The following RNF216 variants were observed in gnomAD, a reference collection of about 807,000 sequenced individuals.
RNF216 encodes ring finger protein 216.
A neutral mutation model predicts 110.8 loss-of-function variants in RNF216; 72 were observed. The observed-to-expected ratio is 0.65, with a 90% CI of 0.54 to 0.79. RNF216 has a LOEUF of 0.79. RNF216 is among the 30% of genes least tolerant of loss of function. The probability of loss-of-function intolerance (pLI) is 0.00; values close to 1 mark genes in which losing one functional copy is unlikely to be tolerated. For synonymous variants in RNF216, 495 were observed against 407.5 expected (o/e 1.21, Z -2.59); for missense variants, 1,342 against 1,141.2 (o/e 1.18, Z -2.54).
intron 4 of RNF216, among the ~76,000 whole-genome samples, chr7:5,740,426 CT>C (rs2128652723): frequency 6.6e-6 from 1 of 152,202 alleles, no homozygotes; most frequent in South Asian, 2.1e-4. Context: ...ACGCCCAGCC[CT>C]TGTGTTACTC....
chr7:5,760,114 G>C (rs6960381), intron 2 of RNF216, among the ~76,000 whole-genome samples: 124,860 of 152,212 alleles, frequency 0.82, 52,989 homozygotes, highest in Non-Finnish European at 0.91. Context: ...TAGCCCAAGT[G>C]TAAATGTGAA....
At chr7:5,755,244 AAG>A (rs1178963614) in intron 2 of RNF216, among the ~76,000 whole-genome samples, 91 of 1,572 alleles carry the variant, frequency 0.058, no homozygotes, top group African/African-American at 0.13. Flanking sequence ...GGATGAAAGG[AAG>A]GAAGGAAGGA....
chr7:5,698,384 T>TACACACACACACACACACACACAC (rs376096873), intron 13 of RNF216, among the ~76,000 whole-genome samples: 1 of 145,300 alleles, frequency 6.9e-6, no homozygotes, highest in African/African-American at 2.6e-5. Flanking sequence ...GATTCTTTTA[T>TACACACACACACACACACACACAC]ACACACACAC....
intron 5 of RNF216, among the ~76,000 whole-genome samples, chr7:5,733,876 T>C (rs571429463): frequency 2.6e-5 from 4 of 152,314 alleles, no homozygotes; most frequent in East Asian, 3.9e-4. Context: ...CACATATAAG[T>C]TGCTTTTTAG....
chr7:5,652,374 G>A lies in RNF216; in HGVS notation c.2159+39C>T, dbSNP rs769725260. The A allele has an allele frequency of 6.3e-6, 9 of 1,436,884 alleles. No individual in the cohort carries two copies. In the Admixed American group the frequency reaches 1.5e-4, roughly 24 times the overall value. The allele number at this position is 1,436,884 out of a possible 1,614,324, so 89.0% of individuals were successfully genotyped here. A position where few individuals can be genotyped will look rare whatever the true frequency, so the allele number is the denominator to read the frequency against. ...CAAAAAGCAGGTTAATGGGGAAGTT[G>A]AGAATCAGCCCATAGCCCCTCTGAA... On this transcript the variant is annotated intron_variant, in intron 14 of 16. Coordinates refer to ENST00000389902, the MANE Select transcript of RNF216 (RefSeq NM_207111.4).
chr7:5,763,660 C>T (rs924560618), intron 1 of RNF216, among the ~76,000 whole-genome samples: 8 of 151,998 alleles, frequency 5.3e-5, no homozygotes, highest in Non-Finnish European at 1.2e-4. Context: ...AGCCTTGAAC[C>T]CCTGGGCTCA....
intron 5 of RNF216, among the ~76,000 whole-genome samples, 168 bp from the exon 6 acceptor site, chr7:5,730,985 C>A (rs1219715385): frequency 6.6e-6 from 1 of 152,180 alleles, no homozygotes; most frequent in Non-Finnish European, 1.5e-5. Context: ...AAACAAACAA[C>A]TGCACTGAAT....
At chr7:5,736,094 AAAAT>A (rs1361477306) in intron 5 of RNF216, among the ~76,000 whole-genome samples, 1 of 140,100 alleles carries the variant, frequency 7.1e-6, no homozygotes, top group Non-Finnish European at 1.6e-5. Context: ...CTCCGTCTCA[AAAAT>A]AAATAAATAG....
intron 1 of RNF216, among the ~76,000 whole-genome samples, chr7:5,773,117 G>C (rs17186478): frequency 6.6e-6 from 1 of 152,044 alleles, no homozygotes; most frequent in Non-Finnish European, 1.5e-5. Flanking sequence ...ATATATCAGC[G>C]TAAGTTTGGG....
intron 3 of RNF216, among the ~76,000 whole-genome samples, chr7:5,743,393 G>C (rs1794871816): frequency 6.6e-6 from 1 of 152,002 alleles, no homozygotes; most frequent in South Asian, 2.1e-4. Flanking sequence ...ACAGAAAAAA[G>C]CCTAGAGACA....
At chr7:5,700,969 T>A (rs1414315683) in intron 13 of RNF216, among the ~76,000 whole-genome samples, 1 of 152,204 alleles carries the variant, frequency 6.6e-6, no homozygotes, top group Admixed American at 6.5e-5. Flanking sequence ...AGGCCCCTCC[T>A]GTACTCATTT....
intron 3 of RNF216, among the ~76,000 whole-genome samples, chr7:5,749,854 T>A (rs1476513541): frequency 6.6e-6 from 1 of 152,176 alleles, no homozygotes; most frequent in Non-Finnish European, 1.5e-5. Context: ...TACATGAGAC[T>A]GAATTGATAA....
At position 5,681,241 on chromosome 7, in the gene RNF216, A is replaced by ACC. The variant is rs753010499; in HGVS notation, c.2062-28733_2062-28732dup. 3.5e-4 allele frequency among the ~76,000 whole-genome samples: 53 copies of ACC among 152,180 alleles called. 1 individual carries two copies. The highest frequency in any genetic ancestry group is 5.2e-4 in the Admixed American group (8 of 15,286). ...TTCTCATACTATGCCTAATGTAGGA[A>ACC]CCTCCCTACCTCAGGAAATCCAAGC... is the stretch of plus-strand genomic sequence containing the variant. On this transcript the variant is annotated intron_variant, in intron 13 of 16. Coordinates refer to ENST00000389902, the MANE Select transcript of RNF216 (RefSeq NM_207111.4).
rs924074572 is a variant in RNF216, at chr7:5,695,536, G to GCT, written c.2061+16223_2061+16224dup. On this transcript the variant is annotated intron_variant, in intron 13 of 16. Transcript: ENST00000389902. ...GAGTGCCTCTCCCTGCCGGTCTCCT[G>GCT]CTCTCTCTCTGCAGAGCAGAAGACA... 2.8e-4 allele frequency among the ~76,000 whole-genome samples: 42 copies of GCT among 152,306 alleles called. 1 individual carries two copies. Among genetic ancestry groups the GCT allele is most frequent in the South Asian group, 1.4e-3 (7 of 4,834 alleles).
At chr7:5,735,912 T>G (rs186651436) in intron 5 of RNF216, among the ~76,000 whole-genome samples, 1 of 152,068 alleles carries the variant, frequency 6.6e-6, no homozygotes, top group Non-Finnish European at 1.5e-5. Context: ...CTGGCCAACA[T>G]AGGGAAACTG....
intron 10 of RNF216, among the ~76,000 whole-genome samples, chr7:5,716,471 C>A (rs1338504099): frequency 5.3e-5 from 8 of 152,016 alleles, no homozygotes; most frequent in Non-Finnish European, 1.0e-4. Flanking sequence ...ATGAGTGTAT[C>A]TGATGAATGT....
At chr7:5,738,601 G>A (rs1309295777) in intron 5 of RNF216, among the ~76,000 whole-genome samples, 9 of 151,258 alleles carry the variant, frequency 6.0e-5, no homozygotes, top group Non-Finnish European at 8.8e-5. Context: ...CCAGCTACTC[G>A]GGAGGCTGAG....
At chr7:5,720,997 A>C in intron 9 of RNF216, 36 bp downstream of exon 9, 1 of 1,608,110 alleles carries the variant, frequency 6.2e-7, no homozygotes, top group Non-Finnish European at 8.5e-7. Flanking sequence ...CCAGAATCCC[A>C]GAAACACACC....
At chr7:5,728,174 T>C (rs1276927978) in intron 7 of RNF216, among the ~76,000 whole-genome samples, 1 of 152,194 alleles carries the variant, frequency 6.6e-6, no homozygotes, top group Non-Finnish European at 1.5e-5. Context: ...CAAACTCCTA[T>C]GTGGGTCTGT....
Sources: gnomAD v4.1 joint callset for allele counts (sites outside exome capture counted in the v4.1 genomes callset) on GRCh38, gnomAD v4.1.1 for gene constraint, MANE v1.5 for transcripts, NCBI Gene and HGNC (gene_info 2026-07-23, HGNC 2026-07-21) for gene names.